The following CEP192 variants were observed in gnomAD, a reference collection of about 807,000 sequenced individuals.
CEP192 encodes the protein centrosomal protein of 192 kDa.
Under a neutral mutation model 271.8 loss-of-function variants are expected in CEP192, and 151 were observed. The ratio of observed to expected loss-of-function variants is 0.56; its 90% CI spans 0.49 to 0.64. The LOEUF (loss-of-function observed/expected upper bound fraction) is 0.64, where lower values mean the gene tolerates loss of function less well. CEP192 is among the 30% of genes least tolerant of loss of function. The pLI, the probability that CEP192 is intolerant of heterozygous loss-of-function variation, is 0.00. For synonymous variants in CEP192, 995 were observed against 1,076.5 expected, an observed-to-expected ratio of 0.92 and a Z score of 1.48; for missense variants, 2,910 against 3,020.5, an observed-to-expected ratio of 0.96 and a Z score of 0.86.
chr18:13,114,191 TA>T lies in CEP192; in HGVS notation c.7230del (p.Ile2410MetfsTer4). ...CTTTCCACGGATTCCCTCATTAAAA[TA>T]GATCATTTAGTTAAGCCCCGAAGAC... ...ACLSTDSLIKIDHLVKPRRQA... is the reference protein window; with the variant it reads ...ACLSTDSLIKXDHLVKPRRQA... On this transcript the variant is annotated frameshift_variant, in exon 42 of 45. Transcript: ENST00000506447. LOFTEE classifies it high-confidence loss of function. 2 of 1,614,092 alleles carry T rather than the reference TA, an allele frequency of 1.2e-6. No individual in the cohort carries two copies. The highest frequency in any genetic ancestry group is 1.7e-6 in the Non-Finnish European group (2 of 1,179,994).
intron 14 of CEP192, among the ~76,000 whole-genome samples, chr18:13,041,494 T>G (rs1440992724): frequency 6.6e-6 from 1 of 152,132 alleles, no homozygotes; most frequent in Non-Finnish European, 1.5e-5. Flanking sequence ...AAAGGGTCCA[T>G]GTATACAGAG....
chr18:13,109,133 A>G (rs921705932), intron 40 of CEP192, among the ~76,000 whole-genome samples: 3 of 152,184 alleles, frequency 2.0e-5, no homozygotes, highest in Non-Finnish European at 2.9e-5. Context: ...TATCAGAGAC[A>G]TGGATCAATC....
At position 13,056,535 on chromosome 18, in the gene CEP192, A is replaced by T. The variant is rs766992527; in HGVS notation, c.3945A>T (p.Gly1315=). 9.9e-6 allele frequency: 16 copies of T among 1,614,200 alleles called. No homozygotes were observed. The South Asian group carries it at 1.5e-4, about 16-fold the overall frequency. ...QNSVAVGICL[G]SNIGSGWMGT... ...CTGTGGCTGTGGGAATTTGTCTAGG[A>T]TCAAATATCGGCTCTGGATGGATGG... Residue 1315 remains glycine, a synonymous_variant, in exon 19 of 45, where the codon GGA becomes GGT. Transcript: ENST00000506447.
chr18:13,111,752 C>T (rs544839286), intron 40 of CEP192, among the ~76,000 whole-genome samples: 90 of 152,220 alleles, frequency 5.9e-4, no homozygotes, highest in African/African-American at 2.0e-3. Flanking sequence ...ATCCAGAATA[C>T]GTAAAGAACT....
intron 9 of CEP192, chr18:13,024,218 G>T (rs948524272): frequency 1.2e-5 from 5 of 414,180 alleles, no homozygotes; most frequent in African/African-American, 1.0e-4. Context: ...CTAGAGAATT[G>T]ATTCCTCTAT....
intron 30 of CEP192, among the ~76,000 whole-genome samples, chr18:13,078,549 A>G (rs1303783436): frequency 6.6e-6 from 1 of 152,150 alleles, no homozygotes; most frequent in Non-Finnish European, 1.5e-5. Flanking sequence ...ACTCCCACCA[A>G]CAGTGTAAAA....
At chr18:13,096,853 T>C (rs1231766896) in intron 36 of CEP192, among the ~76,000 whole-genome samples, 1 of 152,208 alleles carries the variant, frequency 6.6e-6, no homozygotes, top group African/African-American at 2.4e-5. Flanking sequence ...GCCGGCCATT[T>C]ATACACAGCT....
chr18:13,020,750 C>T (rs1490480956), intron 9 of CEP192, among the ~76,000 whole-genome samples: 1 of 152,102 alleles, frequency 6.6e-6, no homozygotes, highest in Non-Finnish European at 1.5e-5. Flanking sequence ...ACTTTTTTCC[C>T]TTTTTAAATT....
chr18:13,104,835 G>A, intron 39 of CEP192, 149 bp from the exon 40 acceptor site: 1 of 636,064 alleles, frequency 1.6e-6, no homozygotes, highest in Non-Finnish European at 2.8e-6. Flanking sequence ...CAGTCAGGTA[G>A]CACTCCCATT....
Position 13,056,136 on chromosome 18 carries a change from C to A in CEP192, c.3546C>A (p.Ala1182=), listed in dbSNP as rs1351887502. ...GTCTGAGCTGTCAGGTGGGGTCAGC[C>A]ACATCACACCCTGTGTCCTGCCAGG... ...KSGLSCQVGS[A]TSHPVSCQEP... The change falls in exon 19 of 45, where the codon GCC becomes GCA. Residue 1182 remains alanine (A), a synonymous_variant. Transcript: ENST00000506447. The A allele has an allele frequency of 6.2e-7, 1 of 1,613,100 alleles. No individual in the cohort carries two copies. Among genetic ancestry groups the A allele is most frequent in the East Asian group, 2.2e-5 (1 of 44,884 alleles).
At chr18:13,089,724 T>G (rs1453259121) in intron 33 of CEP192, among the ~76,000 whole-genome samples, 159 bp downstream of exon 33, 3 of 152,224 alleles carry the variant, frequency 2.0e-5, no homozygotes, top group Non-Finnish European at 4.4e-5. Flanking sequence ...ACAAATTACA[T>G]CATTGAATGT....
intron 17 of CEP192, 41 bp from the exon 18 acceptor site, chr18:13,052,878 G>A: frequency 7.0e-7 from 1 of 1,434,856 alleles, no homozygotes; most frequent in Non-Finnish European, 9.3e-7. Flanking sequence ...GATAGTTGAA[G>A]GACTGGAGAA....
chr18:13,112,356 G>A (rs567853287), intron 40 of CEP192, among the ~76,000 whole-genome samples: 1 of 152,222 alleles, frequency 6.6e-6, no homozygotes, highest in Non-Finnish European at 1.5e-5. Context: ...TATGCTAAGT[G>A]AAAGAAGCCA....
intron 1 of CEP192, among the ~76,000 whole-genome samples, chr18:12,998,596 C>T (rs1246377421): frequency 1.3e-5 from 2 of 152,154 alleles, no homozygotes; most frequent in Non-Finnish European, 2.9e-5. Context: ...TGTTTATCAT[C>T]CTAAATAAAC....
At chr18:13,024,531 C>T (rs546744159) in intron 9 of CEP192, among the ~76,000 whole-genome samples, 6 of 152,128 alleles carry the variant, frequency 3.9e-5, no homozygotes, top group Non-Finnish European at 7.4e-5. Flanking sequence ...GGTGCAATCT[C>T]GGCTCACTGC....
In CEP192 at chr18:13,029,929, TG is replaced by T; in HGVS notation, c.1318del (p.Asp440MetfsTer57). On this transcript the variant is annotated frameshift_variant, in exon 10 of 45. Transcript: ENST00000506447. LOFTEE classifies it high-confidence loss of function. ...PISDSGINFTDAIWSPTCERR... is the reference protein window; with the variant it reads ...PISDSGINFTXAIWSPTCERR... ...TTAGTGACAGTGGAATTAATTTCAC[TG>T]ATGCCATTTGGTCACCAACTTGTGA... is the stretch of plus-strand genomic sequence containing the variant. 1 of 1,551,714 alleles carries T rather than the reference TG, an allele frequency of 6.4e-7. No homozygotes were observed. The highest frequency in any genetic ancestry group is 2.4e-5 in the East Asian group (1 of 40,918).
At chr18:13,007,871 A>G (rs2034079269) in intron 3 of CEP192, among the ~76,000 whole-genome samples, 1 of 152,192 alleles carries the variant, frequency 6.6e-6, no homozygotes, top group Non-Finnish European at 1.5e-5. Context: ...TTGCATTTAG[A>G]GGCTTTTTCC....
chr18:13,108,850 G>A (rs1356332306), intron 40 of CEP192, among the ~76,000 whole-genome samples: 1 of 152,162 alleles, frequency 6.6e-6, no homozygotes, highest in African/African-American at 2.4e-5. Context: ...ACTCCAGCCT[G>A]TGTGACAGGG....
chr18:13,077,916 CTCA>C (rs2038375608), intron 30 of CEP192, among the ~76,000 whole-genome samples: 1 of 150,458 alleles, frequency 6.6e-6, no homozygotes, highest in African/African-American at 2.5e-5. Context: ...CATCCATCAG[CTCA>C]TCTTTTTAAA....
Sources: allele counts gnomAD v4.1 joint callset (sites outside exome capture counted in the v4.1 genomes callset), GRCh38; gene constraint gnomAD v4.1.1; transcripts MANE v1.5; gene names NCBI Gene and HGNC (gene_info 2026-07-23, HGNC 2026-07-21).